The following ATP10A variants were observed in gnomAD, a reference collection of about 807,000 sequenced individuals.
ATP10A encodes the protein ATPase phospholipid transporting 10A (putative).
In ATP10A, 111 loss-of-function variants were observed where a neutral mutation model predicts 147.8. The ratio of observed to expected loss-of-function variants is 0.75; its 90% CI spans 0.64 to 0.88. The LOEUF (loss-of-function observed/expected upper bound fraction) is 0.88. ATP10A is among the 40% of genes least tolerant of loss of function. The probability of loss-of-function intolerance (pLI) is 0.00; values close to 1 mark genes in which losing one functional copy is unlikely to be tolerated. For missense variants in ATP10A, 1,927 were observed against 1,959.0 expected, an observed-to-expected ratio of 0.98 and a Z score of 0.31; for synonymous variants, 875 against 841.6, an observed-to-expected ratio of 1.04 and a Z score of -0.69.
intron 3 of ATP10A, among the ~76,000 whole-genome samples, chr15:25,734,130 C>A (rs1051164887): frequency 2.6e-5 from 4 of 152,180 alleles, no homozygotes; most frequent in African/African-American, 9.7e-5. Context: ...GAGACAGTGG[C>A]TGAGCAATAC....
At chr15:25,725,316 G>C (rs899013113) in intron 5 of ATP10A, among the ~76,000 whole-genome samples, 1 of 152,180 alleles carries the variant, frequency 6.6e-6, no homozygotes, top group African/African-American at 2.4e-5. Flanking sequence ...GTGCCAAAAA[G>C]GTTGGGGACT....
chr15:25,740,033 G>C (rs1887499723), intron 2 of ATP10A, among the ~76,000 whole-genome samples: 1 of 152,160 alleles, frequency 6.6e-6, no homozygotes, highest in Admixed American at 6.5e-5. Flanking sequence ...TCAACCACAT[G>C]GGGGAGGCGT....
At chr15:25,741,784 G>C (rs185770557) in intron 2 of ATP10A, among the ~76,000 whole-genome samples, 1 of 152,298 alleles carries the variant, frequency 6.6e-6, no homozygotes, top group East Asian at 1.9e-4. Context: ...AAACAGCAAA[G>C]TAGTCTGTTT....
chr15:25,736,245 G>T, intron 2 of ATP10A, 104 bp from the exon 3 acceptor site: 2 of 852,970 alleles, frequency 2.3e-6, no homozygotes, highest in Non-Finnish European at 1.9e-6. Flanking sequence ...CACATTTCAC[G>T]GGGGAAGAAC....
intron 1 of ATP10A, among the ~76,000 whole-genome samples, chr15:25,822,090 T>C (rs1891915609): frequency 6.6e-6 from 1 of 152,216 alleles, no homozygotes; most frequent in Non-Finnish European, 1.5e-5. Flanking sequence ...TAGATGCTTA[T>C]AATACCTAAT....
chr15:25,723,657 A>G (rs185217040), intron 6 of ATP10A, among the ~76,000 whole-genome samples: 7 of 152,208 alleles, frequency 4.6e-5, no homozygotes, highest in East Asian at 3.9e-4. Context: ...CCCAAACCAA[A>G]CCCTCAAAGC....
intron 2 of ATP10A, among the ~76,000 whole-genome samples, chr15:25,768,538 CTCT>C (rs1341173123): frequency 3.0e-5 from 3 of 98,830 alleles, no homozygotes; most frequent in African/African-American, 1.1e-4. Context: ...AGCTCTCTCT[CTCT>C]TTTTTTTTTT....
rs1166040681 is a variant in ATP10A, at chr15:25,850,943, C to T, written c.449+11705G>A. 9.9e-5 allele frequency among the ~76,000 whole-genome samples: 15 copies of T among 152,208 alleles called. No homozygotes were observed. The South Asian group carries it at 2.9e-3, about 29-fold the overall frequency. ...TGACAGCCTGGGTTTCCTGCCATTT[C>T]GTTAACCCCTCGTGTACTGGATTCT... On this transcript the variant is annotated intron_variant, in intron 1 of 20. Coordinates refer to ENST00000555815, the MANE Select transcript of ATP10A (RefSeq NM_024490.4).
chr15:25,693,354 C>T (rs1596694743), intron 14 of ATP10A, among the ~76,000 whole-genome samples: 1 of 152,140 alleles, frequency 6.6e-6, no homozygotes, highest in Non-Finnish European at 1.5e-5. Flanking sequence ...CATTACTTTC[C>T]CGTTTTCTTT....
At chr15:25,804,151 G>A (rs1243519903) in intron 1 of ATP10A, among the ~76,000 whole-genome samples, 2 of 150,802 alleles carry the variant, frequency 1.3e-5, no homozygotes, top group East Asian at 2.0e-4. Context: ...TGTGCTTAGT[G>A]TGTGATGTGA....
At chr15:25,823,582 T>C (rs1891981318) in intron 1 of ATP10A, among the ~76,000 whole-genome samples, 1 of 152,220 alleles carries the variant, frequency 6.6e-6, no homozygotes, top group South Asian at 2.1e-4. Flanking sequence ...GACCAAATTG[T>C]TTCTAAATAG....
chr15:25,711,066 G>C (rs527516530), intron 10 of ATP10A, among the ~76,000 whole-genome samples: 1 of 152,244 alleles, frequency 6.6e-6, no homozygotes, highest in African/African-American at 2.4e-5. Flanking sequence ...CGTAAGTGTA[G>C]ACCTGGGATT....
At chr15:25,818,238 A>G (rs1335076792) in intron 1 of ATP10A, among the ~76,000 whole-genome samples, 1 of 152,200 alleles carries the variant, frequency 6.6e-6, no homozygotes, top group Non-Finnish European at 1.5e-5. Flanking sequence ...TGAATTTTCA[A>G]TTTAACTTGA....
intron 3 of ATP10A, among the ~76,000 whole-genome samples, chr15:25,733,366 T>A (rs1053174823): frequency 1.3e-5 from 2 of 152,028 alleles, no homozygotes; most frequent in African/African-American, 4.8e-5. Context: ...CGGATAGCGT[T>A]ACCAGGCCCT....
At chr15:25,826,501 G>A (rs1382537319) in intron 1 of ATP10A, among the ~76,000 whole-genome samples, 2 of 152,174 alleles carry the variant, frequency 1.3e-5, no homozygotes, top group Admixed American at 6.5e-5. Context: ...GGTGGAGGTT[G>A]CAGTGAGCCG....
chr15:25,772,422 G>A (rs1473110070), intron 2 of ATP10A, among the ~76,000 whole-genome samples: 1 of 152,132 alleles, frequency 6.6e-6, no homozygotes, highest in Non-Finnish European at 1.5e-5. Flanking sequence ...AAATCCCCGA[G>A]AGGGGTTTCC....
intron 10 of ATP10A, among the ~76,000 whole-genome samples, chr15:25,713,186 G>A (rs756689670): frequency 2.2e-4 from 33 of 152,150 alleles, no homozygotes; most frequent in Admixed American, 1.6e-3. Flanking sequence ...GAGGTGGGTG[G>A]CCAGGTTCCC....
Position 25,851,055 on chromosome 15 carries a change from G to C in ATP10A, c.449+11593C>G, listed in dbSNP as rs1244214850. 2.6e-5 allele frequency among the ~76,000 whole-genome samples: 4 copies of C among 151,886 alleles called. No homozygotes were observed. In the East Asian group the frequency reaches 5.8e-4, roughly 22 times the overall value. ...CTGGGGAGGGGTGAGTGGGGATCTC[G>C]GGGACTCCGCCGAACTTGGGGAGGG... is the stretch of plus-strand genomic sequence containing the variant. On this transcript the variant is annotated intron_variant, in intron 1 of 20. Transcript: ENST00000555815.
chr15:25,691,955 A>G (rs1396793513), intron 14 of ATP10A, among the ~76,000 whole-genome samples, 164 bp from the exon 15 acceptor site: 1 of 152,162 alleles, frequency 6.6e-6, no homozygotes, highest in Non-Finnish European at 1.5e-5. Flanking sequence ...GGGAGAATAG[A>G]GTTAAGCATT....
Sources: gnomAD v4.1 joint callset for allele counts (sites outside exome capture counted in the v4.1 genomes callset) on GRCh38, gnomAD v4.1.1 for gene constraint, MANE v1.5 for transcripts, NCBI Gene and HGNC (gene_info 2026-07-23, HGNC 2026-07-21) for gene names.